The following MED12L variants were observed in gnomAD, a reference collection of about 807,000 sequenced individuals.
MED12L encodes the protein mediator complex subunit 12L.
MED12L carries 60 observed loss-of-function variants against 281.3 expected under a neutral mutation model. The ratio of observed to expected loss-of-function variants is 0.21; its 90% CI spans 0.17 to 0.26. MED12L has a LOEUF of 0.26. Ranked by LOEUF, MED12L falls within the 10% of genes least tolerant of loss-of-function variation. MED12L has a pLI of 1.00. For synonymous variants in MED12L, 974 were observed against 987.2 expected, an observed-to-expected ratio of 0.99 and a Z score of 0.25; for missense variants, 2,146 against 2,680.9, an observed-to-expected ratio of 0.80 and a Z score of 4.41.
At chr3:151,232,333 C>G (rs924848543) in intron 16 of MED12L, among the ~76,000 whole-genome samples, 4 of 152,216 alleles carry the variant, frequency 2.6e-5, no homozygotes, top group Non-Finnish European at 4.4e-5. Context: ...TCTCTTTTCT[C>G]TGCAACCTTG....
intron 16 of MED12L, among the ~76,000 whole-genome samples, chr3:151,196,869 A>G (rs1408474819): frequency 2.0e-5 from 3 of 152,242 alleles, no homozygotes; most frequent in Admixed American, 2.0e-4. Flanking sequence ...TGTGAAATGC[A>G]AAAATGAGTT....
intron 16 of MED12L, among the ~76,000 whole-genome samples, chr3:151,249,789 A>C (rs1346410012): frequency 6.6e-6 from 1 of 152,126 alleles, no homozygotes; most frequent in African/African-American, 2.4e-5. Context: ...TTCTTTAACA[A>C]GTTCTTCCTG....
intron 16 of MED12L, chr3:151,241,968 A>G (rs1001852474): frequency 2.0e-5 from 3 of 153,268 alleles, no homozygotes; most frequent in African/African-American, 7.2e-5. Context: ...TGGGAAGCAC[A>G]AGGGGTCAGG....
At chr3:151,411,588 T>C in intron 41 of MED12L, 81 bp downstream of exon 41, 1 of 1,230,086 alleles carries the variant, frequency 8.1e-7, no homozygotes, top group Admixed American at 1.9e-5. Flanking sequence ...GGCATGGTAC[T>C]TTATCATTGT....
chr3:151,241,118 C>G (rs1336209217), intron 16 of MED12L, among the ~76,000 whole-genome samples: 1 of 152,242 alleles, frequency 6.6e-6, no homozygotes, highest in East Asian at 1.9e-4. Context: ...AGTCTTAGAT[C>G]TCACTATCAC....
At chr3:151,162,461 C>T (rs1035445490) in intron 8 of MED12L, among the ~76,000 whole-genome samples, 2 of 151,978 alleles carry the variant, frequency 1.3e-5, no homozygotes, top group Non-Finnish European at 2.9e-5. Context: ...GTTGCCCATG[C>T]TGGAGGGCAG....
intron 43 of MED12L, among the ~76,000 whole-genome samples, chr3:151,419,266 A>G (rs1284659248): frequency 1.3e-5 from 2 of 152,250 alleles, no homozygotes; most frequent in African/African-American, 2.4e-5. Flanking sequence ...TTTATTAAGT[A>G]TTAACTCACA....
At chr3:151,395,458 A>G (rs78781782) in intron 39 of MED12L, among the ~76,000 whole-genome samples, 3 of 152,246 alleles carry the variant, frequency 2.0e-5, no homozygotes, top group African/African-American at 2.4e-5. Flanking sequence ...AATGTTCTTC[A>G]TAGAAGACAG....
rs1742645765 is a variant in MED12L, at chr3:151,280,573, A to C, written c.2251-69486A>C. Among the ~76,000 whole-genome samples the C allele has an allele frequency of 2.0e-5, 3 of 151,938 alleles. No homozygotes were observed. The South Asian group carries it at 6.2e-4, about 32-fold the overall frequency. On this transcript the variant is annotated intron_variant, in intron 16 of 44. Coordinates refer to ENST00000687756, the MANE Select transcript of MED12L (RefSeq NM_001393769.1). Reference sequence around the variant, plus strand: ...TCGAATACCTTACAAACCAGTGTAGACCTGATACCCTGTGGGCTAAAACAA... The same window carrying C: ...TCGAATACCTTACAAACCAGTGTAGCCCTGATACCCTGTGGGCTAAAACAA...
chr3:151,352,697 A>G (rs1753386423), intron 17 of MED12L, among the ~76,000 whole-genome samples: 1 of 152,198 alleles, frequency 6.6e-6, no homozygotes, highest in African/African-American at 2.4e-5. Context: ...AATTTATAGT[A>G]TAAAGTTTAA....
chr3:151,405,064 C>T (rs62285917), intron 39 of MED12L, among the ~76,000 whole-genome samples: 9,408 of 152,248 alleles, frequency 0.062, 430 homozygotes, highest in Middle Eastern at 0.18. Flanking sequence ...AGCTCACATA[C>T]TTCTGTCTAA....
At chr3:151,125,257 C>T (rs1450060432) in intron 4 of MED12L, among the ~76,000 whole-genome samples, 2 of 152,140 alleles carry the variant, frequency 1.3e-5, no homozygotes, top group Non-Finnish European at 2.9e-5. Flanking sequence ...TGTGTCTGGT[C>T]GGTCTGCTTT....
At chr3:151,348,525 C>T (rs182026123) in intron 16 of MED12L, among the ~76,000 whole-genome samples, 20 of 150,976 alleles carry the variant, frequency 1.3e-4, no homozygotes, top group Non-Finnish European at 2.7e-4. Context: ...GAGAGGTACT[C>T]AGGATATTAA....
At chr3:151,341,975 C>T (rs1751905564) in intron 16 of MED12L, among the ~76,000 whole-genome samples, 1 of 152,114 alleles carries the variant, frequency 6.6e-6, no homozygotes, top group South Asian at 2.1e-4. Flanking sequence ...TCCAGTCTAT[C>T]ATTGTTGGAC....
intron 23 of MED12L, among the ~76,000 whole-genome samples, chr3:151,367,209 C>T (rs1755393865): frequency 6.6e-6 from 1 of 152,074 alleles, no homozygotes; most frequent in African/African-American, 2.4e-5. Flanking sequence ...TAGTAGTTAC[C>T]ACTGAAAGGA....
chr3:151,357,327 C>T lies in MED12L; in HGVS notation c.2776C>T (p.His926Tyr). The T allele has an allele frequency of 6.2e-7, 1 of 1,613,772 alleles. No homozygotes were observed. Among genetic ancestry groups the T allele is most frequent in the Non-Finnish European group, 8.5e-7 (1 of 1,179,808 alleles). Residue 926 changes from histidine (H) to tyrosine (Y), a missense_variant, in exon 20 of 45, where the codon CAC (histidine) becomes TAC (tyrosine). By Grantham distance (83) the His-to-Tyr change is moderately conservative. Around this residue, in one of 9 missense-constraint regions of MED12L, gnomAD observed 404 missense variants for 603.5 expected, o/e 0.67. Coordinates refer to ENST00000687756, the MANE Select transcript of MED12L (RefSeq NM_001393769.1). ...CATCGTGGCTGTTCTCAGGCGCTAT[C>T]ACAGTTGTCTAATCTTGAATCCTGA... ...VCIVAVLRRY[H>Y]SCLILNPDQT... is the part of the protein sequence containing the mutation.
rs1294789378 is a variant in MED12L, at chr3:151,433,442, C to G, written c.*638C>G. ...AACAGATTGTTGCTTCGTACTTAAACTTCTTAAACCAAGAACCTAAACCAA... is the reference window on the plus strand; with the variant it reads ...AACAGATTGTTGCTTCGTACTTAAAGTTCTTAAACCAAGAACCTAAACCAA... On this transcript the variant is annotated 3_prime_UTR_variant, in exon 45 of 45. Transcript: ENST00000687756. 6.6e-6 allele frequency: 1 copy of G among 152,640 alleles called. No homozygotes were observed. Among genetic ancestry groups the G allele is most frequent in the Non-Finnish European group, 1.5e-5 (1 of 68,038 alleles). The allele number at this position is 152,640 out of a possible 1,614,324, so 9.5% of individuals were successfully genotyped here.
At chr3:151,157,331 G>T (rs562761461) in intron 6 of MED12L, among the ~76,000 whole-genome samples, 287 of 151,720 alleles carry the variant, frequency 1.9e-3, no homozygotes, top group Non-Finnish European at 3.2e-3. Flanking sequence ...ATTTTAATTT[G>T]CCGTATTCTG....
chr3:151,096,223 T>C (rs1720691770), intron 2 of MED12L, among the ~76,000 whole-genome samples: 2 of 152,206 alleles, frequency 1.3e-5, no homozygotes, highest in Non-Finnish European at 2.9e-5. Flanking sequence ...CCACTTCTCC[T>C]TGGACTTCTT....
Sources: gnomAD v4.1 joint callset for allele counts (sites outside exome capture counted in the v4.1 genomes callset) on GRCh38, gnomAD v4.1.1 for gene constraint, gnomAD v4.1.1 regional missense constraint, MANE v1.5 for transcripts, NCBI Gene and HGNC (gene_info 2026-07-23, HGNC 2026-07-21) for gene names.